Variants in TLE4 observed in about 807,000 individuals in gnomAD.
TLE4 encodes TLE family member 4, transcriptional corepressor.
In TLE4, 8 loss-of-function variants were observed where a neutral mutation model predicts 92.8. The observed-to-expected ratio is 0.09, with a 90% CI of 0.05 to 0.16. The LOEUF (loss-of-function observed/expected upper bound fraction) is 0.16, where lower values mean the gene tolerates loss of function less well. Ranked by LOEUF, TLE4 falls within the 10% of genes least tolerant of loss-of-function variation. The pLI, the probability that TLE4 is intolerant of heterozygous loss-of-function variation, is 1.00. For synonymous variants in TLE4, 371 were observed against 374.1 expected (o/e 0.99, Z 0.10); for missense variants, 675 against 997.6 (o/e 0.68, Z 4.36).
intron 4 of TLE4, among the ~76,000 whole-genome samples, chr9:79,599,796 C>A (rs2045119011): frequency 6.6e-6 from 1 of 152,186 alleles, no homozygotes; most frequent in Admixed American, 6.5e-5. Context: ...TGAGTCACTT[C>A]TTTTTTTGTC....
intron 6 of TLE4, among the ~76,000 whole-genome samples, chr9:79,636,215 G>A (rs374549660): frequency 6.6e-6 from 1 of 152,056 alleles, no homozygotes; most frequent in African/African-American, 2.4e-5. Flanking sequence ...TAGCTGAGAC[G>A]CTACTCGGGA....
At chr9:79,601,841 G>C (rs1258738900) in intron 4 of TLE4, among the ~76,000 whole-genome samples, 2 of 152,194 alleles carry the variant, frequency 1.3e-5, no homozygotes, top group Non-Finnish European at 2.9e-5. Flanking sequence ...ATTAACCTTA[G>C]AGTGGAAGGC....
intron 6 of TLE4, among the ~76,000 whole-genome samples, chr9:79,631,564 T>TC (rs957024446): frequency 6.0e-5 from 9 of 151,076 alleles, no homozygotes; most frequent in Non-Finnish European, 8.9e-5. Flanking sequence ...ACCTTTGCGG[T>TC]CCCCCCCTTA....
chr9:79,722,650 CCCCCTT>C (rs1194876311), intron 18 of TLE4, 49 bp downstream of exon 18: 2 of 1,597,592 alleles, frequency 1.3e-6, no homozygotes. Context: ...ATTGCTCCTT[CCCCCTT>C]CCTGTGTTTT....
At chr9:79,672,566 T>TA (rs2062592256) in intron 8 of TLE4, among the ~76,000 whole-genome samples, 2 of 152,170 alleles carry the variant, frequency 1.3e-5, no homozygotes, top group African/African-American at 4.8e-5. Flanking sequence ...GGTTCATTCT[T>TA]ACCAACCGCC....
intron 4 of TLE4, among the ~76,000 whole-genome samples, chr9:79,587,006 AATT>A: frequency 6.6e-6 from 1 of 152,262 alleles, no homozygotes; most frequent in African/African-American, 2.4e-5. Flanking sequence ...ATGTACAATA[AATT>A]ATTGTTGACT....
chr9:79,705,216 T>C (rs1438388441), intron 9 of TLE4, among the ~76,000 whole-genome samples: 1 of 152,244 alleles, frequency 6.6e-6, no homozygotes, highest in Non-Finnish European at 1.5e-5. Flanking sequence ...TTAGCTGGAA[T>C]TGTTAAGCAG....
intron 6 of TLE4, among the ~76,000 whole-genome samples, chr9:79,637,929 A>G (rs545042950): frequency 6.6e-6 from 1 of 152,198 alleles, no homozygotes; most frequent in Non-Finnish European, 1.5e-5. Context: ...GACACAAACA[A>G]GTTTGAATCC....
chr9:79,585,472 C>G (rs1253448951), intron 4 of TLE4, among the ~76,000 whole-genome samples: 2 of 152,188 alleles, frequency 1.3e-5, no homozygotes, highest in Admixed American at 6.5e-5. Flanking sequence ...GATTCCGGAG[C>G]CTCAGATTCT....
chr9:79,585,912 TG>T, intron 4 of TLE4, among the ~76,000 whole-genome samples: 1 of 152,164 alleles, frequency 6.6e-6, no homozygotes, highest in Admixed American at 6.5e-5. Flanking sequence ...AATTAGTAGG[TG>T]GTTTACAATT....
In TLE4 at chr9:79,725,212, A is replaced by G. The variant is rs935264646; in HGVS notation, c.*68A>G. 2.6e-6 allele frequency: 3 copies of G among 1,149,478 alleles called. No homozygotes were observed. In the African/African-American group the frequency reaches 4.6e-5, roughly 18 times the overall value. The allele number at this position is 1,149,478 out of a possible 1,614,324, so 71.2% of individuals were successfully genotyped here. A position where few individuals can be genotyped will look rare whatever the true frequency, so the allele number is the denominator to read the frequency against. Reference sequence around the variant, plus strand: ...CTTTGCTCTGTCATCCTTTTTGTTCACCCCCATCCCCGCATCTAAAACCAA... The same window carrying G: ...CTTTGCTCTGTCATCCTTTTTGTTCGCCCCCATCCCCGCATCTAAAACCAA... On this transcript the variant is annotated 3_prime_UTR_variant, in exon 20 of 20. Transcript: ENST00000376552.
chr9:79,601,923 G>A (rs2045761952), intron 4 of TLE4, among the ~76,000 whole-genome samples: 2 of 152,162 alleles, frequency 1.3e-5, no homozygotes, highest in African/African-American at 2.4e-5. Context: ...CAAGTAAAAA[G>A]AAGTTAAAGG....
intron 14 of TLE4, among the ~76,000 whole-genome samples, chr9:79,712,818 G>T (rs2073658440): frequency 2.0e-5 from 3 of 152,174 alleles, no homozygotes; most frequent in Admixed American, 1.3e-4. Flanking sequence ...TATGGCTAGT[G>T]TATAACTATT....
chr9:79,670,378 T>G (rs2062101323), intron 8 of TLE4, among the ~76,000 whole-genome samples: 4 of 151,978 alleles, frequency 2.6e-5, no homozygotes, highest in Admixed American at 2.6e-4. Context: ...CAAGAGAAAT[T>G]TACTTAGGCC....
intron 13 of TLE4, 138 bp downstream of exon 13, chr9:79,708,924 TG>T (rs1483739224): frequency 9.5e-7 from 1 of 1,056,162 alleles, no homozygotes; most frequent in East Asian, 2.7e-5. Flanking sequence ...CTCTGCCTCC[TG>T]GGCTTAAGCG....
chr9:79,630,127 GT>G (rs1357148919), intron 6 of TLE4, among the ~76,000 whole-genome samples: 2 of 152,158 alleles, frequency 1.3e-5, no homozygotes, highest in Admixed American at 6.6e-5. Context: ...TATTTTATAT[GT>G]ATGCACACCA....
intron 8 of TLE4, chr9:79,668,815 T>A: frequency 3.0e-6 from 3 of 985,392 alleles, no homozygotes; most frequent in Non-Finnish European, 3.6e-6. Flanking sequence ...TATATTCAAA[T>A]GGAGAGTAGC....
chr9:79,723,905 A>G (rs1364646313), intron 19 of TLE4, among the ~76,000 whole-genome samples: 2 of 152,242 alleles, frequency 1.3e-5, no homozygotes, highest in Admixed American at 6.5e-5. Flanking sequence ...AAAAAAGAGT[A>G]GTACATTTTT....
chr9:79,715,447 G>GAT (rs1383203846), intron 14 of TLE4, among the ~76,000 whole-genome samples: 3 of 151,968 alleles, frequency 2.0e-5, no homozygotes, highest in Non-Finnish European at 4.4e-5. Context: ...CGTCTCCTGA[G>GAT]ATCATCCCTT....
Sources: gnomAD v4.1 joint callset for allele counts (sites outside exome capture counted in the v4.1 genomes callset) on GRCh38, gnomAD v4.1.1 for gene constraint, MANE v1.5 for transcripts, NCBI Gene and HGNC (gene_info 2026-07-23, HGNC 2026-07-21) for gene names.